TSPAN15: variants seen among roughly 807,000 people sequenced by gnomAD.
TSPAN15 encodes the protein tetraspanin-15.
In TSPAN15, 20 loss-of-function variants were observed where a neutral mutation model predicts 34.5. The ratio of observed to expected loss-of-function variants is 0.58; its 90% CI spans 0.41 to 0.84. The LOEUF is 0.84. Ranked by LOEUF, TSPAN15 falls within the 40% of genes least tolerant of loss-of-function variation. The pLI is 0.00. For missense variants in TSPAN15, 313 were observed against 386.1 expected, an observed-to-expected ratio of 0.81 and a Z score of 1.59; for synonymous variants, 155 against 153.9, an observed-to-expected ratio of 1.01 and a Z score of -0.05.
chr10:69,526,057 G>A, the TSPAN15 span, among the ~76,000 whole-genome samples: 80,237 of 145,098 alleles, frequency 0.55, 25,336 homozygotes, highest in African/African-American at 0.64. Flanking sequence ...TAAAGAGTTC[G>A]CCCCCAAACA....
At chr10:69,534,932 C>A in the TSPAN15 span, among the ~76,000 whole-genome samples, 1 of 151,838 alleles carries the variant, frequency 6.6e-6, no homozygotes, top group African/African-American at 2.4e-5. Flanking sequence ...CTGCAGTGAG[C>A]TGTGTTCATG....
At position 69,506,992 on chromosome 10, in the gene TSPAN15, A is replaced by G. The variant is rs546769408; in HGVS notation, c.*14A>G. 1.9e-6 allele frequency: 3 copies of G among 1,606,354 alleles called. No individual in the cohort carries two copies. The South Asian group carries it at 3.4e-5, about 18-fold the overall frequency. On this transcript the variant is annotated 3_prime_UTR_variant, in exon 8 of 8. Coordinates refer to ENST00000373290, the MANE Select transcript of TSPAN15 (RefSeq NM_012339.5). This position sits in a 1 kb window ranked among gnomAD's most constrained non-coding sequence, Gnocchi z 4.7. ...TACCCCAATTAGGGCCCAGCCTGCC[A>G]TGGCAGCTCCAACAAGGACCGTCTG... is the stretch of plus-strand genomic sequence containing the variant.
Position 69,451,658 on chromosome 10 carries a change from T to A in TSPAN15, c.64T>A (p.Phe22Ile). 6.5e-7 allele frequency: 1 copy of A among 1,544,918 alleles called. No homozygotes were observed. The highest frequency in any genetic ancestry group is 8.7e-7 in the Non-Finnish European group (1 of 1,143,990). Residue 22 changes from phenylalanine (F) to isoleucine (I), a missense_variant, in exon 1 of 8, where the codon TTT becomes ATT. By Grantham distance (21) the Phe-to-Ile change is conservative. Transcript: ENST00000373290. ...GCGCTTCTCCTACCTCTGGCTCAAG[T>A]TTTCACTTATCATCTATTCCACCGT... is the stretch of plus-strand genomic sequence containing the variant. The part of the protein sequence containing the change: ...CARFSYLWLK[F>I]SLIIYSTVFW...
At chr10:69,533,487 T>A in the TSPAN15 span, among the ~76,000 whole-genome samples, 1 of 152,126 alleles carries the variant, frequency 6.6e-6, no homozygotes, top group African/African-American at 2.4e-5. Context: ...GGCATAAGAA[T>A]GATACAATGG....
intron 1 of TSPAN15, among the ~76,000 whole-genome samples, chr10:69,453,815 G>A (rs1841025897): frequency 6.6e-6 from 1 of 152,226 alleles, no homozygotes; most frequent in African/African-American, 2.4e-5. Flanking sequence ...GGGCAGGGTG[G>A]TTCTCAGAAC....
chr10:69,508,519 G>C (rs1234914341), downstream of TSPAN15, among the ~76,000 whole-genome samples: 1 of 151,122 alleles, frequency 6.6e-6, no homozygotes, highest in Non-Finnish European at 1.5e-5. Flanking sequence ...GATTCTAACG[G>C]TGGGAACCAT....
chr10:69,508,630 AAC>A (rs1842383720), downstream of TSPAN15, among the ~76,000 whole-genome samples: 1 of 151,808 alleles, frequency 6.6e-6, no homozygotes, highest in Non-Finnish European at 1.5e-5. Context: ...AGTATGCAAT[AAC>A]ACAACAATAA....
At chr10:69,473,519 G>A (rs12781493) in intron 1 of TSPAN15, among the ~76,000 whole-genome samples, 3 of 152,122 alleles carry the variant, frequency 2.0e-5, no homozygotes, top group South Asian at 2.1e-4. Context: ...TGTGTGGGGC[G>A]AGAGGAGGAG....
intron 1 of TSPAN15, among the ~76,000 whole-genome samples, chr10:69,460,306 G>C (rs1841224078): frequency 6.6e-6 from 1 of 152,180 alleles, no homozygotes; most frequent in Non-Finnish European, 1.5e-5. Context: ...GGCCGTCTGA[G>C]AAGTGTCCTG....
At chr10:69,492,881 ATGG>A (rs1841997826) in intron 3 of TSPAN15, among the ~76,000 whole-genome samples, 1 of 152,188 alleles carries the variant, frequency 6.6e-6, no homozygotes. Context: ...GCAGAGGGAC[ATGG>A]TGGGCCAGGA....
At chr10:69,519,266 A>C in the TSPAN15 span, among the ~76,000 whole-genome samples, 1 of 151,960 alleles carries the variant, frequency 6.6e-6, no homozygotes, top group African/African-American at 2.4e-5. Flanking sequence ...ATAATAATAA[A>C]AAAACTATCT....
the TSPAN15 span, among the ~76,000 whole-genome samples, chr10:69,519,263 T>TA: frequency 6.6e-6 from 1 of 151,830 alleles, no homozygotes; most frequent in Admixed American, 6.6e-5. Flanking sequence ...ATAATAATAA[T>TA]AAAAAAACTA....
At chr10:69,549,116 C>T in the TSPAN15 span, among the ~76,000 whole-genome samples, 1 of 151,934 alleles carries the variant, frequency 6.6e-6, no homozygotes, top group African/African-American at 2.4e-5. Context: ...TCAAGAATGA[C>T]TAGAAATACA....
At chr10:69,522,103 A>G in the TSPAN15 span, among the ~76,000 whole-genome samples, 6 of 147,536 alleles carry the variant, frequency 4.1e-5, no homozygotes, top group Non-Finnish European at 1.5e-5. Context: ...GTTCACACCT[A>G]TAATCCCAGC....
chr10:69,539,485 A>AAGGAGAAGG, the TSPAN15 span, among the ~76,000 whole-genome samples: 1 of 61,364 alleles, frequency 1.6e-5, no homozygotes, highest in African/African-American at 6.1e-5. Flanking sequence ...GGAGAAGGAG[A>AAGGAGAAGG]AGAAGAAGAA....
intron 5 of TSPAN15, among the ~76,000 whole-genome samples, 200 bp downstream of exon 5, chr10:69,498,596 C>T (rs1320631303): frequency 6.6e-6 from 1 of 152,098 alleles, no homozygotes; most frequent in Non-Finnish European, 1.5e-5. Context: ...GTAGGGAGAC[C>T]ATGTCTTTCT....
At chr10:69,480,445 C>T (rs947138817) in intron 1 of TSPAN15, among the ~76,000 whole-genome samples, 3 of 152,152 alleles carry the variant, frequency 2.0e-5, no homozygotes, top group Admixed American at 1.3e-4. Flanking sequence ...GTGAGAATTA[C>T]GCTTTTCATC....
chr10:69,504,743 A>G (rs1405527121), intron 6 of TSPAN15, among the ~76,000 whole-genome samples: 2 of 152,160 alleles, frequency 1.3e-5, no homozygotes, highest in Non-Finnish European at 2.9e-5. Flanking sequence ...ACATGAAGCC[A>G]CCACGGCGCT....
At chr10:69,504,560 T>C (rs1589655895) in intron 6 of TSPAN15, 75 bp downstream of exon 6, 5 of 1,490,296 alleles carry the variant, frequency 3.4e-6, no homozygotes, top group East Asian at 2.3e-5. Context: ...GAGGGGTTTA[T>C]TGAGGTCGGG....
Sources: gnomAD v4.1 joint callset for allele counts (sites outside exome capture counted in the v4.1 genomes callset) on GRCh38, gnomAD v4.1.1 for gene constraint, Gnocchi (gnomAD v3.1) non-coding constraint, MANE v1.5 for transcripts, NCBI Gene and HGNC (gene_info 2026-07-23, HGNC 2026-07-21) for gene names.